The following AUTS2 variants were observed in gnomAD, a reference collection of about 807,000 sequenced individuals.
The protein encoded by AUTS2 is autism susceptibility gene 2 protein.
AUTS2 carries 17 observed loss-of-function variants against 112.4 expected under a neutral mutation model. The observed-to-expected ratio is 0.15, with a 90% CI of 0.10 to 0.23. The LOEUF is 0.23. Ranked by LOEUF, AUTS2 falls within the 10% of genes least tolerant of loss-of-function variation. AUTS2 has a pLI of 1.00. For missense variants in AUTS2, 1,510 were observed against 1,701.6 expected (o/e 0.89, Z 1.98); for synonymous variants, 751 against 702.7 (o/e 1.07, Z -1.09).
intron 5 of AUTS2, among the ~76,000 whole-genome samples, chr7:70,444,493 TC>T (rs1796245084): frequency 1.3e-5 from 2 of 152,094 alleles, no homozygotes; most frequent in African/African-American, 4.8e-5. Flanking sequence ...TAATCAAATA[TC>T]TATATTAGGA....
At chr7:69,836,369 A>G (rs1365368522) in intron 1 of AUTS2, among the ~76,000 whole-genome samples, 1 of 152,192 alleles carries the variant, frequency 6.6e-6, no homozygotes, top group Non-Finnish European at 1.5e-5. Context: ...CCAAATTAAC[A>G]TAATATGGTA....
intron 6 of AUTS2, among the ~76,000 whole-genome samples, chr7:70,749,641 G>T (rs1448594544): frequency 6.6e-6 from 1 of 152,206 alleles, no homozygotes. Context: ...TGGTGCTCAC[G>T]CATAAGCTAG....
rs1287439714 is a variant in AUTS2, at chr7:70,790,896, T to TG, written c.3686dup (p.Arg1230ProfsTer52). On this transcript the variant is annotated frameshift_variant, in exon 19 of 19. Transcript: ENST00000342771. LOFTEE classifies it high-confidence loss of function. The surrounding 1 kb of genome is among the most constrained non-coding windows in gnomAD (Gnocchi z 7.6). ...GCACCTCCCCCGCTCATCTCCACGC[T>TG]GGGGGGCCGCCCGGTCTCTCCCAGA... 1.9e-6 allele frequency: 3 copies of TG among 1,594,958 alleles called. No individual in the cohort carries two copies. Among genetic ancestry groups the TG allele is most frequent in the East Asian group, 2.2e-5 (1 of 44,730 alleles).
intron 16 of AUTS2, chr7:70,785,449 T>G (rs200665763): frequency 1.3e-4 from 62 of 474,296 alleles, no homozygotes; most frequent in Non-Finnish European, 4.2e-5. Context: ...ACTGCCCCGA[T>G]AAATGAGTCT....
chr7:69,632,082 A>G (rs1326512097), intron 1 of AUTS2, among the ~76,000 whole-genome samples: 2 of 152,288 alleles, frequency 1.3e-5, no homozygotes, highest in African/African-American at 2.4e-5. Flanking sequence ...TTATTTGGCC[A>G]TTTACTTTGG....
chr7:70,108,529 T>C (rs1804891594), intron 2 of AUTS2, among the ~76,000 whole-genome samples: 1 of 152,158 alleles, frequency 6.6e-6, no homozygotes, highest in African/African-American at 2.4e-5. Context: ...CACTTCCCCC[T>C]TCCCAATAGG....
rs529649781 is a variant in AUTS2 at position 69,856,618 on chromosome 7, T to C, written c.310-42668T>C. Reference sequence around the variant, plus strand: ...AAGCTGGATGCATTAACTAGTTGCATAGTCTTGGACAAGTCACTTAAGTAT... The same window carrying C: ...AAGCTGGATGCATTAACTAGTTGCACAGTCTTGGACAAGTCACTTAAGTAT... On this transcript the variant is annotated intron_variant, in intron 1 of 18. Coordinates refer to ENST00000342771, the MANE Select transcript of AUTS2 (RefSeq NM_015570.4). Among the ~76,000 whole-genome samples the C allele has an allele frequency of 7.9e-5, 12 of 152,182 alleles. 1 individual carries two copies. The highest frequency in any genetic ancestry group is 1.8e-4 in the Non-Finnish European group (12 of 68,030).
intron 2 of AUTS2, among the ~76,000 whole-genome samples, chr7:70,020,762 C>G (rs1395907996): frequency 1.3e-5 from 2 of 152,078 alleles, no homozygotes; most frequent in African/African-American, 4.8e-5. Flanking sequence ...TAGCTCACTG[C>G]AGCCTTGATC....
At chr7:70,764,054 C>G (rs931688790) in intron 7 of AUTS2, among the ~76,000 whole-genome samples, 1 of 152,120 alleles carries the variant, frequency 6.6e-6, no homozygotes, top group Non-Finnish European at 1.5e-5. Context: ...CCTGGTGCCC[C>G]GGGGGCTATA....
intron 2 of AUTS2, among the ~76,000 whole-genome samples, chr7:69,899,901 C>T (rs1584413364): frequency 6.6e-6 from 1 of 152,134 alleles, no homozygotes; most frequent in Non-Finnish European, 1.5e-5. Flanking sequence ...AAAATGATTG[C>T]CTGTGTGTGA....
intron 1 of AUTS2, among the ~76,000 whole-genome samples, chr7:69,776,354 A>G (rs944828631): frequency 6.6e-6 from 1 of 152,204 alleles, no homozygotes; most frequent in Non-Finnish European, 1.5e-5. Context: ...AGGGGAAGGC[A>G]TAGAGGAAAA....
intron 5 of AUTS2, among the ~76,000 whole-genome samples, chr7:70,621,957 C>T (rs1804700521): frequency 7.0e-6 from 1 of 143,598 alleles, no homozygotes; most frequent in Non-Finnish European, 1.5e-5. Flanking sequence ...AGCAGTTCTC[C>T]TGCCTCAGCC....
intron 6 of AUTS2, among the ~76,000 whole-genome samples, chr7:70,701,866 G>T (rs2129547829): frequency 6.6e-6 from 1 of 152,280 alleles, no homozygotes; most frequent in South Asian, 2.1e-4. Context: ...ATCTGCCAAA[G>T]AAAAAATTAA....
chr7:70,126,168 C>G (rs1805959632), intron 3 of AUTS2, among the ~76,000 whole-genome samples: 1 of 152,192 alleles, frequency 6.6e-6, no homozygotes, highest in Non-Finnish European at 1.5e-5. Context: ...CCTGCAATCC[C>G]AGCACTTTTG....
chr7:70,118,630 T>C (rs917552876), intron 3 of AUTS2: 2 of 153,476 alleles, frequency 1.3e-5, no homozygotes, highest in African/African-American at 4.8e-5. Context: ...AATACAAAAT[T>C]AGCTGGGCGT....
At chr7:70,179,586 A>C (rs1294422494) in intron 4 of AUTS2, among the ~76,000 whole-genome samples, 1 of 152,184 alleles carries the variant, frequency 6.6e-6, no homozygotes, top group East Asian at 1.9e-4. Context: ...AGCTCTGGTA[A>C]ACAATGGTGA....
intron 2 of AUTS2, among the ~76,000 whole-genome samples, chr7:70,031,603 G>A (rs567437618): frequency 2.6e-5 from 4 of 152,198 alleles, no homozygotes; most frequent in Admixed American, 6.5e-5. Context: ...GCCCCTGAAC[G>A]TGCTCATTTG....
intron 1 of AUTS2, among the ~76,000 whole-genome samples, chr7:69,819,121 G>C (rs1351478330): frequency 1.3e-5 from 2 of 152,102 alleles, no homozygotes; most frequent in Non-Finnish European, 2.9e-5. Context: ...TTTTGTACTT[G>C]ATTAAGTGGC....
intron 1 of AUTS2, among the ~76,000 whole-genome samples, chr7:69,651,035 T>A (rs1795264738): frequency 6.6e-6 from 1 of 152,222 alleles, no homozygotes. Flanking sequence ...GGGATACTTT[T>A]TTAACCTGAA....
Sources: gnomAD v4.1 joint callset for allele counts (sites outside exome capture counted in the v4.1 genomes callset) on GRCh38, gnomAD v4.1.1 for gene constraint, Gnocchi (gnomAD v3.1) non-coding constraint, MANE v1.5 for transcripts, NCBI Gene and HGNC (gene_info 2026-07-23, HGNC 2026-07-21) for gene names.